Variants in DPYD observed in about 807,000 individuals in gnomAD.
The protein encoded by DPYD is dihydropyrimidine dehydrogenase [NADP(+)].
DPYD carries 109 observed loss-of-function variants against 116.2 expected under a neutral mutation model. The ratio of observed to expected loss-of-function variants is 0.94; its 90% CI spans 0.80 to 1.10. The LOEUF is 1.10. Among genes scored for constraint, DPYD ranks in the 50% least tolerant of loss-of-function variants. DPYD has a pLI of 0.00. For synonymous variants in DPYD, 440 were observed against 432.0 expected, an observed-to-expected ratio of 1.02 and a Z score of -0.23; for missense variants, 1,302 against 1,254.5, an observed-to-expected ratio of 1.04 and a Z score of -0.57.
At chr1:97,913,055 T>G (rs1674040500) in intron 1 of DPYD, among the ~76,000 whole-genome samples, 1 of 152,120 alleles carries the variant, frequency 6.6e-6, no homozygotes, top group East Asian at 1.9e-4. Context: ...TAATTTCTAG[T>G]TAAAGACAGC....
chr1:97,412,272 T>C (rs1041010451), intron 14 of DPYD, among the ~76,000 whole-genome samples: 2 of 152,206 alleles, frequency 1.3e-5, no homozygotes, highest in Non-Finnish European at 2.9e-5. Context: ...ACTGAAGGCT[T>C]GAAAACAAAC....
In DPYD at chr1:97,828,112, A is replaced by G. The variant is rs770769144; in HGVS notation, c.233+2T>C. The G allele has an allele frequency of 6.2e-7, 1 of 1,613,400 alleles. No individual in the cohort carries two copies. Among genetic ancestry groups the G allele is most frequent in the Non-Finnish European group, 8.5e-7 (1 of 1,179,640 alleles). ...ACTGTTGCTATGGTGACCCAGACTT[A>G]CCTCATTGCTTCTCGGAGAGCTCCT... On this transcript the variant is annotated splice_donor_variant, in intron 3 of 22. Transcript: ENST00000370192. LOFTEE classifies it high-confidence loss of function.
At chr1:97,112,605 G>C (rs531219191) in intron 20 of DPYD, among the ~76,000 whole-genome samples, 1 of 152,096 alleles carries the variant, frequency 6.6e-6, no homozygotes, top group Non-Finnish European at 1.5e-5. Context: ...CTAAACAGAA[G>C]AGACTTGAAT....
chr1:97,255,952 G>C (rs1323758881), intron 18 of DPYD, among the ~76,000 whole-genome samples: 2 of 151,824 alleles, frequency 1.3e-5, no homozygotes, highest in African/African-American at 4.8e-5. Context: ...AGCCCAAATG[G>C]GTGACAATTT....
chr1:97,466,856 C>A (rs1237821534), intron 13 of DPYD, among the ~76,000 whole-genome samples: 1 of 151,936 alleles, frequency 6.6e-6, no homozygotes, highest in African/African-American at 2.4e-5. Flanking sequence ...TCATATATTA[C>A]CCATAAATAT....
chr1:97,475,433 ATAAG>A (rs993312716), intron 13 of DPYD, among the ~76,000 whole-genome samples: 26 of 152,366 alleles, frequency 1.7e-4, no homozygotes, highest in African/African-American at 5.3e-4. Context: ...GACTTAATAA[ATAAG>A]TAAAGGAACA....
intron 8 of DPYD, among the ~76,000 whole-genome samples, chr1:97,641,239 C>T (rs115695061): frequency 8.0e-4 from 122 of 152,170 alleles, no homozygotes; most frequent in Non-Finnish European, 1.3e-3. Flanking sequence ...GTACACAGTG[C>T]GTAGTGGGCA....
Position 97,593,298 on chromosome 1 carries a change from A to G in DPYD, c.1048T>C (p.Ser350Pro), listed in dbSNP as rs771885007. 44 of 1,614,030 alleles carry G rather than the reference A, an allele frequency of 2.7e-5. No individual in the cohort carries two copies. The highest frequency in any genetic ancestry group is 3.6e-5 in the Non-Finnish European group (43 of 1,180,026). ...AGDTAFDCAT[S>P]ALRCGARRVF... ...CGGCGAGCTCCACAACGTAGAGCAG[A>G]TGTTGCACAGTCAAAGGCAGTGTCT... The change falls in exon 10 of 23, where the codon TCT becomes CCT. Residue 350 changes from serine to proline, a missense_variant. Transcript: ENST00000370192.
chr1:97,752,335 C>T (rs546458750), intron 3 of DPYD, among the ~76,000 whole-genome samples: 3 of 151,492 alleles, frequency 2.0e-5, no homozygotes, highest in South Asian at 2.1e-4. Context: ...TACACACATA[C>T]ATTAAATTTA....
intron 16 of DPYD, among the ~76,000 whole-genome samples, chr1:97,330,704 C>A (rs1270848169): frequency 3.3e-5 from 5 of 152,066 alleles, no homozygotes; most frequent in Non-Finnish European, 7.4e-5. Context: ...CTTGGATAAC[C>A]TTTTGGGAAA....
At chr1:97,345,073 G>A (rs965636718) in intron 16 of DPYD, among the ~76,000 whole-genome samples, 1 of 151,812 alleles carries the variant, frequency 6.6e-6, no homozygotes, top group African/African-American at 2.4e-5. Flanking sequence ...GACCAGCTGG[G>A]TTGGATATCT....
chr1:97,236,218 C>A (rs1241556272), intron 18 of DPYD, among the ~76,000 whole-genome samples: 4 of 152,054 alleles, frequency 2.6e-5, no homozygotes, highest in African/African-American at 9.7e-5. Context: ...CTGCCTTAAA[C>A]CAGGGCTTCA....
intron 20 of DPYD, among the ~76,000 whole-genome samples, chr1:97,191,374 C>T (rs964118413): frequency 1.3e-5 from 2 of 152,042 alleles, no homozygotes; most frequent in South Asian, 2.1e-4. Context: ...AAATCTATTA[C>T]CAGACCATCT....
intron 14 of DPYD, among the ~76,000 whole-genome samples, chr1:97,416,818 C>T (rs568300195): frequency 6.6e-6 from 1 of 152,302 alleles, no homozygotes; most frequent in South Asian, 2.1e-4. Flanking sequence ...CCCAGAGGTG[C>T]TCATCGAACC....
intron 8 of DPYD, among the ~76,000 whole-genome samples, chr1:97,655,928 G>A (rs1029688693): frequency 6.6e-6 from 1 of 151,964 alleles, no homozygotes; most frequent in African/African-American, 2.4e-5. Context: ...CTAAAAAGAA[G>A]GACACACTTT....
At chr1:97,760,510 A>G (rs1012900190) in intron 3 of DPYD, among the ~76,000 whole-genome samples, 1 of 152,188 alleles carries the variant, frequency 6.6e-6, no homozygotes, top group Non-Finnish European at 1.5e-5. Context: ...TTTTAGGTAT[A>G]TGAGTAATCT....
chr1:97,314,306 T>G (rs1419993577), intron 16 of DPYD, among the ~76,000 whole-genome samples: 2 of 151,884 alleles, frequency 1.3e-5, no homozygotes, highest in African/African-American at 4.8e-5. Context: ...GGAAGGGAGA[T>G]GCTGTCCATA....
chr1:97,379,662 G>T (rs949000408), intron 15 of DPYD, among the ~76,000 whole-genome samples: 3 of 152,174 alleles, frequency 2.0e-5, no homozygotes, highest in African/African-American at 7.2e-5. Flanking sequence ...ACAATTCTGG[G>T]TTTAGAAGAA....
At chr1:97,081,981 T>A (rs1223109730) in intron 22 of DPYD, among the ~76,000 whole-genome samples, 2 of 152,124 alleles carry the variant, frequency 1.3e-5, no homozygotes, top group Non-Finnish European at 2.9e-5. Context: ...CCATAAATGG[T>A]AGTTCTGTTC....
Sources: gnomAD v4.1 joint callset for allele counts (sites outside exome capture counted in the v4.1 genomes callset) on GRCh38, gnomAD v4.1.1 for gene constraint, MANE v1.5 for transcripts, NCBI Gene and HGNC (gene_info 2026-07-23, HGNC 2026-07-21) for gene names.